Variants in CADPS2 observed in about 807,000 individuals in gnomAD.
CADPS2 encodes the protein calcium dependent secretion activator 2.
A neutral mutation model predicts 172.5 loss-of-function variants in CADPS2; 93 were observed. The ratio of observed to expected loss-of-function variants is 0.54; its 90% confidence interval spans 0.46 to 0.64. The LOEUF (loss-of-function observed/expected upper bound fraction) is 0.64. Ranked by LOEUF, CADPS2 falls within the 30% of genes least tolerant of loss-of-function variation. CADPS2 has a pLI of 0.00. For synonymous variants in CADPS2, 546 were observed against 555.2 expected (o/e 0.98, Z 0.23); for missense variants, 1,420 against 1,565.9 (o/e 0.91, Z 1.57).
At chr7:122,474,057 T>C (rs932004258) in intron 13 of CADPS2, among the ~76,000 whole-genome samples, 2 of 151,954 alleles carry the variant, frequency 1.3e-5, no homozygotes, top group Admixed American at 6.6e-5. Context: ...ACAGAGGTTT[T>C]AAAAAATCTT....
intron 25 of CADPS2, among the ~76,000 whole-genome samples, chr7:122,367,771 T>C (rs1166338263): frequency 6.7e-6 from 1 of 149,144 alleles, no homozygotes; most frequent in Non-Finnish European, 1.5e-5. Context: ...TATGGTATAG[T>C]TCTGTAGTTC....
chr7:122,584,075 TA>T (rs1456306286), intron 6 of CADPS2, among the ~76,000 whole-genome samples: 1 of 151,782 alleles, frequency 6.6e-6, no homozygotes, highest in East Asian at 1.9e-4. Flanking sequence ...TAATGTCCAT[TA>T]TTGAGACTAG....
At chr7:122,466,431 C>A (rs2055147616) in intron 14 of CADPS2, among the ~76,000 whole-genome samples, 1 of 152,180 alleles carries the variant, frequency 6.6e-6, no homozygotes, top group Non-Finnish European at 1.5e-5. Context: ...TGTTTTCCAG[C>A]AACATGGGGG....
chr7:122,536,452 A>G (rs1051272650), intron 8 of CADPS2, among the ~76,000 whole-genome samples: 1 of 152,120 alleles, frequency 6.6e-6, no homozygotes, highest in African/African-American at 2.4e-5. Flanking sequence ...TTGGGCCCAT[A>G]AAAGATCAAG....
At chr7:122,765,583 AC>A (rs756008768) in intron 1 of CADPS2, among the ~76,000 whole-genome samples, 4 of 152,126 alleles carry the variant, frequency 2.6e-5, no homozygotes, top group Non-Finnish European at 5.9e-5. Flanking sequence ...TTAAAATAAA[AC>A]TATAATAGTT....
intron 15 of CADPS2, among the ~76,000 whole-genome samples, chr7:122,442,711 G>T (rs1250442136): frequency 6.6e-6 from 1 of 151,750 alleles, no homozygotes; most frequent in Non-Finnish European, 1.5e-5. Context: ...ATTAGGATTG[G>T]ATTTTATATT....
At chr7:122,740,059 A>G (rs184560609) in intron 1 of CADPS2, among the ~76,000 whole-genome samples, 1 of 152,298 alleles carries the variant, frequency 6.6e-6, no homozygotes, top group East Asian at 1.9e-4. Context: ...AGAAAGAACA[A>G]AATCCAGAAC....
chr7:122,567,481 T>C (rs1017181897), intron 7 of CADPS2, among the ~76,000 whole-genome samples: 4 of 152,200 alleles, frequency 2.6e-5, no homozygotes, highest in South Asian at 2.1e-4. Context: ...CCCCTTTTTT[T>C]CTTCCTGAAA....
intron 6 of CADPS2, among the ~76,000 whole-genome samples, chr7:122,596,616 G>A (rs1349042823): frequency 6.6e-6 from 1 of 152,094 alleles, no homozygotes; most frequent in Non-Finnish European, 1.5e-5. Flanking sequence ...ACCTATGTAT[G>A]TTTATGATTT....
At chr7:122,418,334 A>G (rs2048171662) in intron 17 of CADPS2, among the ~76,000 whole-genome samples, 1 of 152,240 alleles carries the variant, frequency 6.6e-6, no homozygotes, top group Non-Finnish European at 1.5e-5. Flanking sequence ...TGCAACAGCT[A>G]AAAAGCAGTG....
chr7:122,471,356 T>C lies in CADPS2; in HGVS notation c.2186+19A>G. 1.3e-6 allele frequency: 2 copies of C among 1,596,300 alleles called. No homozygotes were observed. Among genetic ancestry groups the C allele is most frequent in the Middle Eastern group, 1.7e-4 (1 of 5,976 alleles). On this transcript the variant is annotated intron_variant, in intron 14 of 29. Coordinates refer to ENST00000449022, the MANE Select transcript of CADPS2 (RefSeq NM_017954.11). ...AGTCAACCCCATACATTTCACTTTG[T>C]ATTTGCAAGTAAAAATACCTGTTGC...
intron 5 of CADPS2, among the ~76,000 whole-genome samples, chr7:122,617,825 T>C (rs1417902902): frequency 1.3e-5 from 2 of 152,114 alleles, no homozygotes; most frequent in African/African-American, 4.8e-5. Flanking sequence ...GGGCATATCA[T>C]GAGCTCAGGA....
chr7:122,624,610 C>T (rs111640700), intron 4 of CADPS2, among the ~76,000 whole-genome samples: 1,820 of 152,314 alleles, frequency 0.012, 14 homozygotes, highest in Middle Eastern at 0.02. Flanking sequence ...GTTTTTGCTA[C>T]AAATTAGAGC....
chr7:122,475,042 A>G (rs769806340), intron 12 of CADPS2, among the ~76,000 whole-genome samples: 10 of 152,300 alleles, frequency 6.6e-5, no homozygotes, highest in Non-Finnish European at 1.3e-4. Context: ...CAAGTTTAAG[A>G]GACAGGAAAA....
At chr7:122,413,930 A>G in intron 19 of CADPS2, 138 bp downstream of exon 19, 3 of 707,254 alleles carry the variant, frequency 4.2e-6, no homozygotes, top group Non-Finnish European at 7.0e-6. Flanking sequence ...GCACATTCAA[A>G]GAAAAACAGA....
rs986334351 is a variant in CADPS2 at position 122,654,822 on chromosome 7, T to C, written c.786+8415A>G. ...TATAGCTACCACAGATAGTGATGGA[T>C]TAGAGCAAAGTAAATGGAAAACTTT... On this transcript the variant is annotated intron_variant, in intron 3 of 29. Coordinates refer to ENST00000449022, the MANE Select transcript of CADPS2 (RefSeq NM_017954.11). Among the ~76,000 whole-genome samples, 3 of 152,170 alleles carry C rather than the reference T, an allele frequency of 2.0e-5. 1 individual carries two copies. The highest frequency in any genetic ancestry group is 2.4e-5 in the African/African-American group (1 of 41,452).
At chr7:122,813,146 T>C (rs966176974) in intron 1 of CADPS2, among the ~76,000 whole-genome samples, 3 of 152,128 alleles carry the variant, frequency 2.0e-5, no homozygotes, top group Non-Finnish European at 4.4e-5. Context: ...AAAGTTGGTG[T>C]TATTATCCTA....
In CADPS2 at chr7:122,663,592, C is replaced by A. The variant is rs1332387397; in HGVS notation, c.454-23G>T. 5.9e-6 allele frequency: 9 copies of A among 1,524,088 alleles called. No homozygotes were observed. The Admixed American group carries it at 8.4e-5, about 14-fold the overall frequency. The allele number at this position is 1,524,088 out of a possible 1,614,324, so 94.4% of individuals were successfully genotyped here. ...AACCTGAAAACAAAACAAAACAAAACAAAACAAAAAACAATTACAATTAGG... is the reference window on the plus strand; with the variant it reads ...AACCTGAAAACAAAACAAAACAAAAAAAAACAAAAAACAATTACAATTAGG... On this transcript the variant is annotated intron_variant, in intron 2 of 29. Transcript: ENST00000449022.
chr7:122,357,108 GAC>G (rs2039508950), intron 27 of CADPS2, among the ~76,000 whole-genome samples: 1 of 152,100 alleles, frequency 6.6e-6, no homozygotes, highest in Admixed American at 6.5e-5. Context: ...CTAAGCTAAA[GAC>G]AAATTCACAC....
Sources: gnomAD v4.1 joint callset for allele counts (sites outside exome capture counted in the v4.1 genomes callset) on GRCh38, gnomAD v4.1.1 for gene constraint, MANE v1.5 for transcripts, NCBI Gene and HGNC (gene_info 2026-07-23, HGNC 2026-07-21) for gene names.